Variants in ANKFN1 observed in about 807,000 individuals in gnomAD.
ANKFN1 encodes the protein ankyrin repeat and fibronectin type-III domain-containing protein 1.
Under a neutral mutation model 108.7 loss-of-function variants are expected in ANKFN1, and 74 were observed. The ratio of observed to expected loss-of-function variants is 0.68; its 90% CI spans 0.56 to 0.83. The LOEUF is 0.83. Ranked by LOEUF, ANKFN1 falls within the 40% of genes least tolerant of loss-of-function variation. ANKFN1 has a pLI of 0.00. For synonymous variants in ANKFN1, 547 were observed against 516.2 expected, an observed-to-expected ratio of 1.06 and a Z score of -0.81; for missense variants, 1,505 against 1,382.3, an observed-to-expected ratio of 1.09 and a Z score of -1.41.
intron 3 of ANKFN1, among the ~76,000 whole-genome samples, chr17:56,231,105 T>C (rs1048747588): frequency 6.6e-6 from 1 of 152,146 alleles, no homozygotes; most frequent in Non-Finnish European, 1.5e-5. Flanking sequence ...TTAATTCTTC[T>C]TGCCTCTCCA....
chr17:56,374,663 A>G lies in ANKFN1; in HGVS notation c.859A>G (p.Ser287Gly). 2 of 1,613,978 alleles carry G rather than the reference A, an allele frequency of 1.2e-6. No homozygotes were observed. The highest frequency in any genetic ancestry group is 1.7e-6 in the Non-Finnish European group (2 of 1,179,864). Residue 287 changes from serine to glycine, a missense_variant, in exon 8 of 21, where the codon AGC (serine) becomes GGC (glycine). Ser to Gly is a moderately conservative substitution (Grantham distance 56). Coordinates refer to ENST00000682825, the MANE Select transcript of ANKFN1 (RefSeq NM_001370326.1). ...AACCAGCAGCACATCACTCACTGTC[A>G]GCTTCCAAGAGCCTCTTAGCGTCAA... Reference protein sequence around the residue: ...MVTSSTSLTVSFQEPLSVNAA... With the variant: ...MVTSSTSLTVGFQEPLSVNAA...
chr17:56,390,668 G>A (rs2047401009), intron 8 of ANKFN1, among the ~76,000 whole-genome samples: 1 of 152,184 alleles, frequency 6.6e-6, no homozygotes, highest in Admixed American at 6.5e-5. Flanking sequence ...CACCAATAGT[G>A]TAAAAGTGTT....
At chr17:56,155,042 C>A (rs1432330473) in intron 1 of ANKFN1, among the ~76,000 whole-genome samples, 1 of 152,174 alleles carries the variant, frequency 6.6e-6, no homozygotes, top group African/African-American at 2.4e-5. Context: ...ATGCCCCCCT[C>A]AACCCTGGGG....
chr17:56,335,182 G>T (rs1188240381), intron 4 of ANKFN1, among the ~76,000 whole-genome samples: 1 of 152,144 alleles, frequency 6.6e-6, no homozygotes, highest in Non-Finnish European at 1.5e-5. Flanking sequence ...TTTTTGCTTA[G>T]AATTGTCTTG....
chr17:56,354,175 GT>G (rs1291887648), intron 6 of ANKFN1, 129 bp downstream of exon 6: 23 of 852,206 alleles, frequency 2.7e-5, no homozygotes, highest in Non-Finnish European at 3.6e-5. Flanking sequence ...GGCTTTGGAT[GT>G]TTTCATGGGC....
chr17:56,212,841 G>GT lies in ANKFN1; in HGVS notation c.12+170dup, dbSNP rs201812245. Among the ~76,000 whole-genome samples the GT allele has an allele frequency of 3.8e-3, 570 of 151,984 alleles. 5 individuals carry two copies. The highest frequency in any genetic ancestry group is 6.8e-3 in the Middle Eastern group (2 of 294). On this transcript the variant is annotated intron_variant, in intron 2 of 20. Coordinates refer to ENST00000682825, the MANE Select transcript of ANKFN1 (RefSeq NM_001370326.1). ...TTACCTTGCATGGAATTTAGCTGGT[G>GT]TTTTTTTTGCTACTTGGTCCAAATA...
At chr17:56,357,688 G>A (rs1376112990) in intron 6 of ANKFN1, among the ~76,000 whole-genome samples, 1 of 152,148 alleles carries the variant, frequency 6.6e-6, no homozygotes, top group Non-Finnish European at 1.5e-5. Flanking sequence ...CTGTACGTGA[G>A]TTTGAGCAGG....
chr17:56,387,879 G>A (rs2047319886), intron 8 of ANKFN1, among the ~76,000 whole-genome samples: 1 of 151,994 alleles, frequency 6.6e-6, no homozygotes, highest in Middle Eastern at 3.2e-3. Context: ...CTCTTGTAAA[G>A]GGTATATAGT....
At chr17:56,502,796 T>C (rs1422202348) in intron 20 of ANKFN1, among the ~76,000 whole-genome samples, 1 of 152,230 alleles carries the variant, frequency 6.6e-6, no homozygotes, top group Non-Finnish European at 1.5e-5. Flanking sequence ...GCTAGAAATA[T>C]AGAGCCTATC....
intron 1 of ANKFN1, among the ~76,000 whole-genome samples, chr17:56,170,416 T>C (rs993368161): frequency 1.3e-5 from 2 of 152,072 alleles, no homozygotes; most frequent in Admixed American, 1.3e-4. Context: ...GCTAAGTGGT[T>C]CATCAGGAAG....
chr17:56,055,598 C>CACACACATATATATATATATAT, intron 4 of ANKFN1, among the ~76,000 whole-genome samples: 1 of 28,466 alleles, frequency 3.5e-5, no homozygotes, highest in Middle Eastern at 0.018. Context: ...TGTATATATA[C>CACACACATATATATATATATAT]ACATTTTTTT....
intron 3 of ANKFN1, among the ~76,000 whole-genome samples, chr17:56,290,629 A>G (rs2044336094): frequency 6.6e-6 from 1 of 152,322 alleles, no homozygotes; most frequent in Admixed American, 6.5e-5. Flanking sequence ...TTAAGAGCCC[A>G]GTGAAGAGTT....
intron 3 of ANKFN1, among the ~76,000 whole-genome samples, chr17:56,253,619 C>T (rs2043286754): frequency 6.6e-6 from 1 of 152,130 alleles, no homozygotes; most frequent in Non-Finnish European, 1.5e-5. Flanking sequence ...GCACCTATAT[C>T]CCGGCTATTT....
At chr17:56,491,392 T>C (rs975736912) in intron 18 of ANKFN1, among the ~76,000 whole-genome samples, 2 of 152,126 alleles carry the variant, frequency 1.3e-5, no homozygotes, top group African/African-American at 2.4e-5. Context: ...AAAGTTACGG[T>C]ATAAGATCAG....
At chr17:56,127,042 A>G (rs1309144016) in intron 4 of ANKFN1, among the ~76,000 whole-genome samples, 2 of 152,238 alleles carry the variant, frequency 1.3e-5, no homozygotes, top group Non-Finnish European at 2.9e-5. Flanking sequence ...TAAAAGGGGC[A>G]CTGAAGCTAG....
intron 20 of ANKFN1, among the ~76,000 whole-genome samples, chr17:56,503,997 T>C (rs1421962228): frequency 6.6e-6 from 1 of 152,218 alleles, no homozygotes; most frequent in Non-Finnish European, 1.5e-5. Flanking sequence ...AGCTGCACTT[T>C]GCATTCTTTT....
chr17:56,481,042 T>C (rs1025234377), intron 17 of ANKFN1, among the ~76,000 whole-genome samples: 1 of 146,434 alleles, frequency 6.8e-6, no homozygotes, highest in African/African-American at 2.6e-5. Flanking sequence ...TTGGACCTCT[T>C]TCACATTTTC....
chr17:56,273,445 A>C (rs1049283227), intron 3 of ANKFN1, among the ~76,000 whole-genome samples: 3 of 152,316 alleles, frequency 2.0e-5, no homozygotes, highest in African/African-American at 7.2e-5. Context: ...TCTAAGGAAG[A>C]GTGTCAGAAC....
intron 1 of ANKFN1, among the ~76,000 whole-genome samples, chr17:56,188,577 GTGTGTATATATATATATATA>G (rs1912514083): frequency 1.1e-4 from 9 of 80,800 alleles, no homozygotes; most frequent in South Asian, 7.3e-4. Flanking sequence ...GTGTGTGTGT[GTGTGTATATATATATATATA>G]TATATATATA....
Sources: allele counts gnomAD v4.1 joint callset (sites outside exome capture counted in the v4.1 genomes callset), GRCh38; gene constraint gnomAD v4.1.1; transcripts MANE v1.5; gene names NCBI Gene and HGNC (gene_info 2026-07-23, HGNC 2026-07-21).